Variants in NFYB observed in about 807,000 individuals in gnomAD.
NFYB encodes nuclear transcription factor Y subunit beta, also known as CAAT box DNA-binding protein subunit B.
NFYB carries 13 observed loss-of-function variants against 28.0 expected under a neutral mutation model. The observed-to-expected ratio is 0.46, with a 90% CI of 0.30 to 0.74. The LOEUF is 0.74. Among genes scored for constraint, NFYB ranks in the 30% least tolerant of loss-of-function variants. NFYB has a pLI of 0.07. For synonymous variants in NFYB, 74 were observed against 75.0 expected (o/e 0.99, Z 0.07); for missense variants, 142 against 247.6 (o/e 0.57, Z 2.86).
At chr12:104,129,241 G>A (rs1261260029) in intron 2 of NFYB, among the ~76,000 whole-genome samples, 1 of 152,042 alleles carries the variant, frequency 6.6e-6, no homozygotes, top group Non-Finnish European at 1.5e-5. Context: ...AGCTGAAGCA[G>A]GAGGACTGCT....
Position 104,135,541 on chromosome 12 carries a change from T to G in NFYB, c.-79-9A>C. 1 of 1,238,808 alleles carries G rather than the reference T, an allele frequency of 8.1e-7. No homozygotes were observed. The highest frequency in any genetic ancestry group is 1.1e-6 in the Non-Finnish European group (1 of 884,144). 76.7% of individuals were successfully genotyped at this position (1,238,808 alleles called of 1,614,324 possible). A position where few individuals can be genotyped will look rare whatever the true frequency, so the allele number is the denominator to read the frequency against. ...ATCTTTGTGATTTCAACCTAAAAGA[T>G]AAACATCTATTAGGACCTAACATCT... On this transcript the variant is annotated splice_polypyrimidine_tract_variant and intron_variant, in intron 1 of 7. Transcript: ENST00000240055.
chr12:104,128,112 C>T (rs1220317852), intron 3 of NFYB, among the ~76,000 whole-genome samples: 1 of 151,938 alleles, frequency 6.6e-6, no homozygotes, highest in Non-Finnish European at 1.5e-5. Context: ...TTTTAGTTAC[C>T]CTATCAATTG....
At chr12:104,126,955 G>A (rs1020137627) in intron 3 of NFYB, among the ~76,000 whole-genome samples, 5 of 152,308 alleles carry the variant, frequency 3.3e-5, no homozygotes, top group African/African-American at 1.2e-4. Context: ...GCTTACTAAT[G>A]TAACTAGTTT....
At chr12:104,123,973 T>C (rs2030584753) in intron 4 of NFYB, among the ~76,000 whole-genome samples, 1 of 151,804 alleles carries the variant, frequency 6.6e-6, no homozygotes, top group Non-Finnish European at 1.5e-5. Context: ...AAAAAAAAAA[T>C]TAAAAAAATT....
chr12:104,125,797 G>T (rs983255813), intron 4 of NFYB, among the ~76,000 whole-genome samples: 51 of 143,104 alleles, frequency 3.6e-4, no homozygotes, highest in Admixed American at 1.4e-4. Context: ...GCAGTGAGCG[G>T]AGATTGTACC....
chr12:104,137,811 C>G (rs1177450027), intron 1 of NFYB: 11 of 147,450 alleles, frequency 7.5e-5, no homozygotes, highest in Non-Finnish European at 1.5e-4. Context: ...GAGCGGGGCC[C>G]CGACGCAGCC....
Position 104,128,480 on chromosome 12 carries a change from A to T in NFYB, c.44T>A (p.Leu15Gln), listed in dbSNP as rs1348412840. 6 of 1,613,038 alleles carry T rather than the reference A, an allele frequency of 3.7e-6. No homozygotes were observed. The highest frequency in any genetic ancestry group is 5.1e-6 in the Non-Finnish European group (6 of 1,179,334). The change falls in exon 3 of 8, where the codon CTA (leucine) becomes CAA (glutamine). Residue 15 changes from leucine to glutamine, a missense_variant. By Grantham distance (113) the Leu-to-Gln change is moderately radical. This residue lies in a region of NFYB where 54 missense variants were observed against 58.1 expected (regional missense o/e 0.93). Coordinates refer to ENST00000240055, the MANE Select transcript of NFYB (RefSeq NM_006166.4). ...TCCAATATAGTCTGCAGAGATTCCTAGTTGAGAAGCATCTGTTGTAGAACT... is the reference window on the plus strand; with the variant it reads ...TCCAATATAGTCTGCAGAGATTCCTTGTTGAGAAGCATCTGTTGTAGAACT... ...GDSSTTDASQLGISADYIGGS... is the reference protein window; with the variant it reads ...GDSSTTDASQQGISADYIGGS...
chr12:104,137,099 T>C (rs2031129107), intron 1 of NFYB, among the ~76,000 whole-genome samples: 1 of 152,044 alleles, frequency 6.6e-6, no homozygotes, highest in Non-Finnish European at 1.5e-5. Context: ...TTAGTTTCCA[T>C]ACTAAGAGAG....
At chr12:104,136,356 G>C (rs2031099409) in intron 1 of NFYB, among the ~76,000 whole-genome samples, 1 of 152,122 alleles carries the variant, frequency 6.6e-6, no homozygotes, top group African/African-American at 2.4e-5. Context: ...AAGATATACT[G>C]ATACGCATCC....
At chr12:104,135,101 C>G (rs928600655) in intron 2 of NFYB, among the ~76,000 whole-genome samples, 2 of 152,192 alleles carry the variant, frequency 1.3e-5, no homozygotes, top group African/African-American at 4.8e-5. Context: ...AGTACCCAGG[C>G]TCACCATGCC....
chr12:104,120,239 G>C (rs2030414969), intron 7 of NFYB, among the ~76,000 whole-genome samples, 161 bp downstream of exon 7: 1 of 152,040 alleles, frequency 6.6e-6, no homozygotes, highest in South Asian at 2.1e-4. Flanking sequence ...ATTTTTAGTA[G>C]AGACAGGGTT....
At chr12:104,120,523 T>A in intron 6 of NFYB, 44 bp from the exon 7 acceptor site, 1 of 1,343,874 alleles carries the variant, frequency 7.4e-7, no homozygotes, top group Non-Finnish European at 1.1e-6. Flanking sequence ...GAACTATATC[T>A]ACTTTCTTGG....
chr12:104,129,290 G>A (rs778272641), intron 2 of NFYB, among the ~76,000 whole-genome samples: 16 of 151,932 alleles, frequency 1.1e-4, no homozygotes, highest in Non-Finnish European at 2.1e-4. Context: ...TCAATGTAGT[G>A]AGAACCTGTC....
chr12:104,121,163 A>G, intron 6 of NFYB, 77 bp downstream of exon 6: 6 of 1,192,780 alleles, frequency 5.0e-6, no homozygotes, highest in Non-Finnish European at 7.4e-6. Context: ...CACTGCTGAC[A>G]TTCCAAAAAT....
intron 4 of NFYB, among the ~76,000 whole-genome samples, chr12:104,124,232 T>G (rs1309737849): frequency 6.6e-6 from 1 of 152,236 alleles, no homozygotes; most frequent in Non-Finnish European, 1.5e-5. Context: ...ACGGTGACTT[T>G]GACTTTTTTA....
In NFYB at chr12:104,126,188, T is replaced by C; in HGVS notation, c.157A>G (p.Arg53Gly). ...EDTNGSKESF[R>G]EQDIYLPIAN... is the part of the protein sequence containing the mutation. Reference sequence around the variant, plus strand: ...ATTGGAAGATATATATCTTGTTCTCTGAAACTTTCTTTTGAACCATTTGTG... The same window carrying C: ...ATTGGAAGATATATATCTTGTTCTCCGAAACTTTCTTTTGAACCATTTGTG... Residue 53 changes from arginine (R) to glycine (G), a missense_variant, in exon 4 of 8, where the codon AGA becomes GGA. By Grantham distance (125) the Arg-to-Gly change is moderately radical (BLOSUM62 -2). This residue lies in a region of NFYB where 88 missense variants were observed against 189.5 expected (regional missense o/e 0.46). Transcript: ENST00000240055. 3 of 1,605,456 alleles carry C rather than the reference T, an allele frequency of 1.9e-6. No individual in the cohort carries two copies. The highest frequency in any genetic ancestry group is 8.5e-7 in the Non-Finnish European group (1 of 1,176,350).
At chr12:104,137,946 C>A (rs1483525393) in intron 1 of NFYB, 195 bp downstream of exon 1, 2 of 145,004 alleles carry the variant, frequency 1.4e-5, no homozygotes, top group African/African-American at 4.9e-5. Flanking sequence ...GCGCCCGCTC[C>A]CCGGCCCGGC....
intron 3 of NFYB, among the ~76,000 whole-genome samples, 185 bp downstream of exon 3, chr12:104,128,239 C>T (rs1338449107): frequency 1.3e-5 from 2 of 152,178 alleles, no homozygotes; most frequent in Non-Finnish European, 1.5e-5. Context: ...AGGACTCATT[C>T]TTTTGAAGAC....
rs751518737 is a variant in NFYB at position 104,126,205 on chromosome 12, C to A, written c.140G>T (p.Gly47Val). 8.1e-6 allele frequency: 13 copies of A among 1,604,144 alleles called. No individual in the cohort carries two copies. Among genetic ancestry groups the A allele is most frequent in the Non-Finnish European group, 1.1e-5 (13 of 1,175,760 alleles). Residue 47 changes from glycine to valine, a missense_variant, in exon 4 of 8, where the codon GGT (glycine) becomes GTT (valine). Physicochemically the swap from Gly to Val is moderately radical, Grantham distance 109 (BLOSUM62 -3). This residue lies in a region of NFYB where 54 missense variants were observed against 58.1 expected (regional missense o/e 0.93). Transcript: ENST00000240055. ...TTGTTCTCTGAAACTTTCTTTTGAA[C>A]CATTTGTGTCTTCATGATCATTCAT... is the stretch of plus-strand genomic sequence containing the variant. The part of the protein sequence containing the change: ...DSMNDHEDTN[G>V]SKESFREQDI...
Sources: gnomAD v4.1 joint callset for allele counts (sites outside exome capture counted in the v4.1 genomes callset) on GRCh38, gnomAD v4.1.1 for gene constraint, gnomAD v4.1.1 regional missense constraint, MANE v1.5 for transcripts, NCBI Gene and HGNC (gene_info 2026-07-23, HGNC 2026-07-21) for gene names.